BANP: variants seen among roughly 807,000 people sequenced by gnomAD.
BANP encodes BTG3 associated nuclear protein.
A neutral mutation model predicts 68.1 loss-of-function variants in BANP; 11 were observed. The ratio of observed to expected loss-of-function variants is 0.16; its 90% CI spans 0.10 to 0.27. The LOEUF (loss-of-function observed/expected upper bound fraction) is 0.27, where lower values mean the gene tolerates loss of function less well. Ranked by LOEUF, BANP falls within the 10% of genes least tolerant of loss-of-function variation. BANP has a pLI of 1.00. For synonymous variants in BANP, 329 were observed against 303.2 expected, an observed-to-expected ratio of 1.09 and a Z score of -0.88; for missense variants, 504 against 722.7, an observed-to-expected ratio of 0.70 and a Z score of 3.47.
chr16:87,953,162 C>T (rs966543781), intron 1 of BANP, among the ~76,000 whole-genome samples: 2 of 150,878 alleles, frequency 1.3e-5, no homozygotes, highest in African/African-American at 4.9e-5. Flanking sequence ...AGCCAGGGTT[C>T]GAATTCAGTC....
chr16:88,006,075 T>G lies in BANP; in HGVS notation c.480-15T>G. 6.2e-7 allele frequency: 1 copy of G among 1,613,610 alleles called. No homozygotes were observed. Among genetic ancestry groups the G allele is most frequent in the Non-Finnish European group, 8.5e-7 (1 of 1,179,866 alleles). On this transcript the variant is annotated splice_polypyrimidine_tract_variant and intron_variant, in intron 5 of 13. Coordinates refer to ENST00000682872, the MANE Select transcript of BANP (RefSeq NM_001386991.1). ...TCTTACCACATCGGGCTGGTGTGTT[T>G]TTTTTCCCGTTTAGCGCTGTGCCTG...
chr16:87,986,739 C>G (rs543516459), intron 4 of BANP, among the ~76,000 whole-genome samples: 1 of 152,110 alleles, frequency 6.6e-6, no homozygotes, highest in Non-Finnish European at 1.5e-5. Flanking sequence ...TGATATCATT[C>G]ACAGACCTGC....
intron 4 of BANP, among the ~76,000 whole-genome samples, chr16:87,992,079 A>G (rs981430911): frequency 4.6e-5 from 7 of 152,196 alleles, no homozygotes; most frequent in Non-Finnish European, 8.8e-5. Flanking sequence ...ATGAATGGAC[A>G]TTGGATTTTC....
intron 1 of BANP, chr16:87,970,108 A>G (rs2060847381): frequency 6.6e-6 from 1 of 152,150 alleles, no homozygotes; most frequent in African/African-American, 2.4e-5. Flanking sequence ...GGGTTTTGCC[A>G]CATTGGCCAG....
rs955024651 is a variant in BANP, at chr16:88,002,295, A to T, written c.363-2000A>T. Among the ~76,000 whole-genome samples, 1 of 151,582 alleles carries T rather than the reference A, an allele frequency of 6.6e-6. No individual in the cohort carries two copies. Among genetic ancestry groups the T allele is most frequent in the African/African-American group, 2.4e-5 (1 of 41,240 alleles). On this transcript the variant is annotated intron_variant, in intron 4 of 13. Transcript: ENST00000682872. This position sits in a 1 kb window ranked among gnomAD's most constrained non-coding sequence, Gnocchi z 4.6. ...CTGTCCTCAGAAACTGTTTTTGATG[A>T]TCTCTGTCTATTTTGTTGAAAGCAA...
Position 88,033,230 on chromosome 16 carries a change from C to T in BANP, c.1185C>T (p.Asp395=), listed in dbSNP as rs533046103. The change falls in exon 9 of 14, where the codon GAC becomes GAT. Residue 395 remains aspartate (D), a synonymous_variant. Coordinates refer to ENST00000682872, the MANE Select transcript of BANP (RefSeq NM_001386991.1). ...TGCAGATCCACCAGATCGGAGAAGA[C>T]GGACAGGTGCAAGTAGTACGTACCC... The part of the protein sequence containing the change: ...QQVQIHQIGE[D]GQVQVIPQGH... 1.4e-5 allele frequency: 23 copies of T among 1,603,724 alleles called. No homozygotes were observed. Among genetic ancestry groups the T allele is most frequent in the Middle Eastern group, 1.7e-4 (1 of 6,022 alleles).
At chr16:88,005,428 G>A (rs781591098) in intron 5 of BANP, among the ~76,000 whole-genome samples, 1 of 152,194 alleles carries the variant, frequency 6.6e-6, no homozygotes, top group Non-Finnish European at 1.5e-5. Flanking sequence ...AGCAGTCCAC[G>A]GTAGAGGATG....
rs1003256796 is a variant in BANP, at chr16:88,036,444, C to T, written c.1272+1050C>T. 2.6e-5 allele frequency among the ~76,000 whole-genome samples: 4 copies of T among 152,096 alleles called. No individual in the cohort carries two copies. The highest frequency in any genetic ancestry group is 1.9e-4 in the East Asian group (1 of 5,184). The stretch of plus-strand genomic sequence containing the variant: ...AAGCCCTGCCATCGGGGACTCACAG[C>T]GGGCGCAGAGCCTCCTGCCCAAGTG... On this transcript the variant is annotated intron_variant, in intron 10 of 13. Coordinates refer to ENST00000682872, the MANE Select transcript of BANP (RefSeq NM_001386991.1). This position sits in a 1 kb window ranked among gnomAD's most constrained non-coding sequence, Gnocchi z 4.2.
intron 11 of BANP, among the ~76,000 whole-genome samples, chr16:88,040,650 C>T (rs1367183745): frequency 6.6e-6 from 1 of 152,244 alleles, no homozygotes; most frequent in Non-Finnish European, 1.5e-5. Flanking sequence ...CTCTCTTCTC[C>T]AGCCAGACTT....
intron 12 of BANP, among the ~76,000 whole-genome samples, chr16:88,068,809 C>T (rs1384383699): frequency 6.6e-6 from 1 of 152,216 alleles, no homozygotes; most frequent in Non-Finnish European, 1.5e-5. Flanking sequence ...TGGGTTTGCA[C>T]ATTGGCAGGA....
chr16:87,981,361 C>T (rs2063232633), intron 3 of BANP, among the ~76,000 whole-genome samples: 1 of 152,214 alleles, frequency 6.6e-6, no homozygotes, highest in African/African-American at 2.4e-5. Context: ...TTGTGGGGCT[C>T]CTTCCAGCTC....
intron 12 of BANP, among the ~76,000 whole-genome samples, chr16:88,066,416 A>G (rs1184204330): frequency 2.0e-5 from 3 of 152,138 alleles, no homozygotes; most frequent in African/African-American, 7.2e-5. Flanking sequence ...ATTGCTGGGT[A>G]CTGCGGGCCT....
chr16:87,949,750 G>C (rs992216412), upstream of BANP: 14 of 148,776 alleles, frequency 9.4e-5, no homozygotes, highest in Middle Eastern at 3.4e-3. Flanking sequence ...TTCTGGAGGA[G>C]ACTTTAACTC....
rs902361174 is a variant in BANP at position 88,076,739 on chromosome 16, C to T, written c.*78C>T. 3.2e-6 allele frequency: 4 copies of T among 1,233,650 alleles called. No individual in the cohort carries two copies. The highest frequency in any genetic ancestry group is 2.6e-5 in the East Asian group (1 of 39,056). 76.4% of individuals were successfully genotyped at this position (1,233,650 alleles called of 1,614,324 possible). ...CCCACGCGCCCTGCTCTCACGGCCTCGGCACAGGCAGCGGCTGCACGTGTT... is the reference window on the plus strand; with the variant it reads ...CCCACGCGCCCTGCTCTCACGGCCTTGGCACAGGCAGCGGCTGCACGTGTT... On this transcript the variant is annotated 3_prime_UTR_variant, in exon 14 of 14. Coordinates refer to ENST00000682872, the MANE Select transcript of BANP (RefSeq NM_001386991.1).
chr16:88,005,044 A>C (rs938649573), intron 5 of BANP, among the ~76,000 whole-genome samples: 2 of 151,930 alleles, frequency 1.3e-5, no homozygotes, highest in African/African-American at 4.8e-5. Context: ...ACAAAGTTCT[A>C]TTTGCTTTTT....
At chr16:87,998,684 C>A (rs562018376) in intron 4 of BANP, among the ~76,000 whole-genome samples, 1 of 149,882 alleles carries the variant, frequency 6.7e-6, no homozygotes, top group Admixed American at 6.6e-5. Flanking sequence ...ACGTGCGCGG[C>A]TGGACTTACC....
chr16:88,031,189 C>G (rs2078093741), intron 8 of BANP, among the ~76,000 whole-genome samples: 1 of 152,214 alleles, frequency 6.6e-6, no homozygotes, highest in Non-Finnish European at 1.5e-5. Context: ...GGACATGACC[C>G]ATCACTGGAG....
chr16:87,953,199 A>AG (rs2144409039), intron 1 of BANP, among the ~76,000 whole-genome samples: 1 of 152,028 alleles, frequency 6.6e-6, no homozygotes, highest in South Asian at 2.1e-4. Flanking sequence ...TCTTAAAAAA[A>AG]AAAGCCCATA....
At chr16:88,019,689 T>TG (rs2075568316) in intron 7 of BANP, among the ~76,000 whole-genome samples, 1 of 47,474 alleles carries the variant, frequency 2.1e-5, no homozygotes. Flanking sequence ...GGGCGGGGCG[T>TG]CCGGGATCTC....
Sources: gnomAD v4.1 joint callset for allele counts (sites outside exome capture counted in the v4.1 genomes callset) on GRCh38, gnomAD v4.1.1 for gene constraint, Gnocchi (gnomAD v3.1) non-coding constraint, MANE v1.5 for transcripts, NCBI Gene and HGNC (gene_info 2026-07-23, HGNC 2026-07-21) for gene names.